PFKP: variants seen among roughly 807,000 people sequenced by gnomAD.
PFKP encodes phosphofructokinase, platelet.
PFKP carries 101 observed loss-of-function variants against 94.3 expected under a neutral mutation model. That is an observed-to-expected ratio of 1.07 (90% CI 0.91 to 1.26). The LOEUF is 1.26. Ranked by LOEUF, PFKP falls within the 50% of genes most tolerant of loss-of-function variation. PFKP has a pLI of 0.00. For missense variants in PFKP, 1,145 were observed against 1,103.3 expected, an observed-to-expected ratio of 1.04 and a Z score of -0.53; for synonymous variants, 573 against 432.6, an observed-to-expected ratio of 1.32 and a Z score of -4.03.
intron 1 of PFKP, among the ~76,000 whole-genome samples, chr10:3,072,627 C>T (rs781373598): frequency 1.3e-5 from 2 of 151,938 alleles, no homozygotes; most frequent in South Asian, 2.1e-4. Context: ...GTGCCATACT[C>T]GAATGACCCT....
intron 17 of PFKP, 73 bp from the exon 18 acceptor site, chr10:3,132,307 G>GC (rs3830217): frequency 0.29 from 316,191 of 1,107,210 alleles, 48,765 homozygotes; most frequent in Non-Finnish European, 0.32. Flanking sequence ...GCACTTCCCA[G>GC]CCTGCAGTGC....
rs905676305 is a variant in PFKP at position 3,100,919 on chromosome 10, A to T, written c.265-446A>T. ...CCAGGTTCCTGCTGGTTTTACTTGC[A>T]GGTGCTGTAAGGGGTGACTGGAGGG... On this transcript the variant is annotated intron_variant, in intron 3 of 21. Transcript: ENST00000381125. The T allele has an allele frequency of 7.0e-6, 11 of 1,569,542 alleles. No homozygotes were observed. In the African/African-American group the frequency reaches 1.3e-4, roughly 18 times the overall value.
intron 1 of PFKP, among the ~76,000 whole-genome samples, chr10:3,070,923 A>T (rs1055609684): frequency 1.3e-4 from 19 of 150,624 alleles, no homozygotes; most frequent in Admixed American, 1.3e-3. Flanking sequence ...TATTATTATT[A>T]TTTTTGTAGA....
chr10:3,099,185 G>C (rs1320729130), intron 2 of PFKP, 90 bp from the exon 3 acceptor site: 1 of 1,034,916 alleles, frequency 9.7e-7, no homozygotes, highest in Non-Finnish European at 1.5e-6. Context: ...GACATTCACT[G>C]TCATTTTTCC....
At chr10:3,109,246 G>T in intron 9 of PFKP, 109 bp from the exon 10 acceptor site, 1 of 1,418,394 alleles carries the variant, frequency 7.1e-7, no homozygotes, top group South Asian at 1.2e-5. Flanking sequence ...GAAGCGGGAG[G>T]GGCTGTGAGC....
chr10:3,113,981 T>TAAGCCTCACACTAAATCTAAGATGGGG (rs1370495465), intron 13 of PFKP, among the ~76,000 whole-genome samples: 2 of 152,100 alleles, frequency 1.3e-5, no homozygotes, highest in African/African-American at 4.8e-5. Flanking sequence ...TTCACCCATT[T>TAAGCCTCACACTAAATCTAAGATGGGG]AAGCCTCACA....
chr10:3,136,495 C>T lies in PFKP; in HGVS notation c.2271C>T (p.Leu757=), dbSNP rs774671696. 2 of 1,613,688 alleles carry T rather than the reference C, an allele frequency of 1.2e-6. No individual in the cohort carries two copies. Among genetic ancestry groups the T allele is most frequent in the Non-Finnish European group, 1.7e-6 (2 of 1,179,768 alleles). ...KEQWWLKLRP[L]MKILAKYKAS... is the part of the protein sequence containing the mutation. ...AGTGGTGGCTCAAGCTACGGCCCCT[C>T]ATGAAAATCCTGGCCAAGTACAAGG... Residue 757 remains leucine, a synonymous_variant, in exon 22 of 22, where the codon CTC becomes CTT. Coordinates refer to ENST00000381125, the MANE Select transcript of PFKP (RefSeq NM_002627.5).
intron 17 of PFKP, 44 bp downstream of exon 17, chr10:3,130,027 A>G (rs762982694): frequency 2.0e-6 from 3 of 1,516,510 alleles, no homozygotes; most frequent in East Asian, 4.6e-5. Flanking sequence ...CTTGGGATCC[A>G]CTGGGTGCTG....
chr10:3,079,592 C>T (rs1163722618), intron 1 of PFKP, among the ~76,000 whole-genome samples: 1 of 148,054 alleles, frequency 6.8e-6, no homozygotes, highest in Non-Finnish European at 1.5e-5. Flanking sequence ...TTAACATTTC[C>T]TAAAATCCCC....
At chr10:3,084,801 T>TCCTCCACCC (rs1289746030) in intron 2 of PFKP, among the ~76,000 whole-genome samples, 21 of 23,066 alleles carry the variant, frequency 9.1e-4, no homozygotes, top group South Asian at 1.8e-3. Context: ...GTCCTCCATC[T>TCCTCCACCC]CCTCCCCAGT....
chr10:3,100,048 A>T (rs1293504396), intron 3 of PFKP, among the ~76,000 whole-genome samples: 54 of 121,294 alleles, frequency 4.5e-4, no homozygotes, highest in African/African-American at 1.8e-3. Context: ...TTGTATGTGT[A>T]GGTGTGTGGT....
chr10:3,098,809 G>C (rs540523082), intron 2 of PFKP, among the ~76,000 whole-genome samples: 5 of 152,062 alleles, frequency 3.3e-5, no homozygotes, highest in Non-Finnish European at 7.4e-5. Context: ...CAGCTGTGCT[G>C]TTTAATAATA....
Position 3,136,607 on chromosome 10 carries a change from C to T in PFKP, c.*28C>T, listed in dbSNP as rs1204026747. ...CAGTCCCGCCTGCATGTGCCTGCAG[C>T]CACCGTGGACTGTCTGTTTTTGTAA... On this transcript the variant is annotated 3_prime_UTR_variant, in exon 22 of 22. Coordinates refer to ENST00000381125, the MANE Select transcript of PFKP (RefSeq NM_002627.5). 1.2e-6 allele frequency: 2 copies of T among 1,607,702 alleles called. No homozygotes were observed. The highest frequency in any genetic ancestry group is 1.7e-6 in the Non-Finnish European group (2 of 1,175,784).
chr10:3,067,707 G>T lies in PFKP; in HGVS notation c.112G>T (p.Gly38Cys). 6.8e-7 allele frequency: 1 copy of T among 1,477,262 alleles called. No individual in the cohort carries two copies. The highest frequency in any genetic ancestry group is 1.3e-5 in the South Asian group (1 of 79,214). 91.5% of individuals were successfully genotyped at this position (1,477,262 alleles called of 1,614,324 possible). A position where few individuals can be genotyped will look rare whatever the true frequency, so the allele number is the denominator to read the frequency against. The change falls in exon 1 of 22, where the codon GGT (glycine) becomes TGT (cysteine). Residue 38 changes from glycine (G) to cysteine (C), a missense_variant and splice_region_variant. Physicochemically the swap from Gly to Cys is radical, Grantham distance 159 (BLOSUM62 -3). Coordinates refer to ENST00000381125, the MANE Select transcript of PFKP (RefSeq NM_002627.5). ...GVLTSGGDAQ[G>C]MNAAVRAVVR... is the part of the protein sequence containing the mutation. ...GCTGACCAGCGGCGGGGATGCTCAAGGTGCGCGCCCCCCTCCCGGCGGCGA... is the reference window on the plus strand; with the variant it reads ...GCTGACCAGCGGCGGGGATGCTCAATGTGCGCGCCCCCCTCCCGGCGGCGA...
chr10:3,096,660 C>CCT (rs1554765618), intron 2 of PFKP, among the ~76,000 whole-genome samples: 7 of 151,594 alleles, frequency 4.6e-5, no homozygotes, highest in Non-Finnish European at 8.8e-5. Context: ...CTTGCCCCCC[C>CCT]GAGCTTCATG....
intron 4 of PFKP, among the ~76,000 whole-genome samples, chr10:3,102,000 C>T (rs890983233): frequency 2.0e-5 from 3 of 150,686 alleles, no homozygotes; most frequent in African/African-American, 7.3e-5. Context: ...GCCTGTAATC[C>T]CAGCACTTTG....
chr10:3,094,059 C>T (rs907566908), intron 2 of PFKP, among the ~76,000 whole-genome samples: 18 of 152,172 alleles, frequency 1.2e-4, no homozygotes, highest in African/African-American at 4.3e-4. Flanking sequence ...TTCAGACAAT[C>T]TAGTTTCAGT....
intron 1 of PFKP, chr10:3,069,422 G>A (rs545961612): frequency 6.4e-5 from 100 of 1,563,380 alleles, no homozygotes; most frequent in Non-Finnish European, 8.5e-5. Context: ...GTCGGGATAG[G>A]ACCCAGAGTG....
chr10:3,077,187 C>T (rs1478849691), intron 1 of PFKP, among the ~76,000 whole-genome samples: 1 of 151,260 alleles, frequency 6.6e-6, no homozygotes, highest in Non-Finnish European at 1.5e-5. Flanking sequence ...TTTATTACTC[C>T]AGACAATGGA....
Sources: allele counts gnomAD v4.1 joint callset (sites outside exome capture counted in the v4.1 genomes callset), GRCh38; gene constraint gnomAD v4.1.1; transcripts MANE v1.5; gene names NCBI Gene and HGNC (gene_info 2026-07-23, HGNC 2026-07-21).